AGPAT4: variants seen among roughly 807,000 people sequenced by gnomAD.
AGPAT4 encodes 1-acyl-sn-glycerol-3-phosphate acyltransferase delta.
Under a neutral mutation model 48.0 loss-of-function variants are expected in AGPAT4, and 15 were observed. The observed-to-expected ratio is 0.31, with a 90% confidence interval of 0.21 to 0.48. The LOEUF is 0.48. Among genes scored for constraint, AGPAT4 ranks in the 20% least tolerant of loss-of-function variants. AGPAT4 has a pLI of 0.99. For missense variants in AGPAT4, 314 were observed against 482.5 expected, an observed-to-expected ratio of 0.65 and a Z score of 3.27; for synonymous variants, 178 against 198.7, an observed-to-expected ratio of 0.90 and a Z score of 0.88.
rs774332732 is a variant in AGPAT4, at chr6:161,220,541, T to C, written c.178+11495A>G. 2.0e-5 allele frequency among the ~76,000 whole-genome samples: 3 copies of C among 152,160 alleles called. No individual in the cohort carries two copies. Among genetic ancestry groups the C allele is most frequent in the Non-Finnish European group, 2.9e-5 (2 of 68,026 alleles). On this transcript the variant is annotated intron_variant, in intron 2 of 8. Coordinates refer to ENST00000320285, the MANE Select transcript of AGPAT4 (RefSeq NM_020133.3). This position sits in a 1 kb window ranked among gnomAD's most constrained non-coding sequence, Gnocchi z 6.0. ...TTTATAGTTCCTCAAGCAGAGCAAG[T>C]AGAGGAACCAAAGACTTGTTGCCCT...
intron 2 of AGPAT4, among the ~76,000 whole-genome samples, chr6:161,179,476 G>A (rs1018976047): frequency 6.6e-6 from 1 of 152,192 alleles, no homozygotes; most frequent in African/African-American, 2.4e-5. Context: ...CAACTCAAAG[G>A]TTTGGTGTGA....
At position 161,214,441 on chromosome 6, in the gene AGPAT4, G is replaced by A. The variant is rs1422495997; in HGVS notation, c.178+17595C>T. ...CATGTGACTGTACTGAATACTGTAG[G>A]TCACTGTAACACAATGGTAACTATT... On this transcript the variant is annotated intron_variant, in intron 2 of 8. Coordinates refer to ENST00000320285, the MANE Select transcript of AGPAT4 (RefSeq NM_020133.3). The surrounding 1 kb of genome is among the most constrained non-coding windows in gnomAD (Gnocchi z 5.4). Among the ~76,000 whole-genome samples the A allele has an allele frequency of 6.6e-6, 1 of 152,212 alleles. No individual in the cohort carries two copies. The highest frequency in any genetic ancestry group is 1.5e-5 in the Non-Finnish European group (1 of 68,036).
rs775368385 is a variant in AGPAT4, at chr6:161,144,274, G to A, written c.843+2250C>T. 4.2e-6 allele frequency: 2 copies of A among 481,486 alleles called. No homozygotes were observed. The highest frequency in any genetic ancestry group is 4.0e-5 in the African/African-American group (2 of 50,372). 29.8% of individuals were successfully genotyped at this position (481,486 alleles called of 1,614,324 possible). Reference sequence around the variant, plus strand: ...CTCGGTGTCGCCCCAGCCCTGCACGGAGAGAGAAAGGGCCTGGACTCCAGC... The same window carrying A: ...CTCGGTGTCGCCCCAGCCCTGCACGAAGAGAGAAAGGGCCTGGACTCCAGC... On this transcript the variant is annotated intron_variant, in intron 7 of 8. Coordinates refer to ENST00000320285, the MANE Select transcript of AGPAT4 (RefSeq NM_020133.3). This position sits in a 1 kb window ranked among gnomAD's most constrained non-coding sequence, Gnocchi z 6.6.
In AGPAT4 at chr6:161,234,166, G is replaced by A. The variant is rs1782203220; in HGVS notation, c.-89-1864C>T. ...TTGAGTGCAGTCACTCCTGGGTCAT[G>A]CAGGTTGGCTCTGAGGATGGTTTCG... On this transcript the variant is annotated intron_variant, in intron 1 of 8. Transcript: ENST00000320285. This position sits in a 1 kb window ranked among gnomAD's most constrained non-coding sequence, Gnocchi z 4.4. Among the ~76,000 whole-genome samples, 1 of 152,198 alleles carries A rather than the reference G, an allele frequency of 6.6e-6. No homozygotes were observed. Among genetic ancestry groups the A allele is most frequent in the Non-Finnish European group, 1.5e-5 (1 of 68,030 alleles).
chr6:161,190,586 G>GAA (rs200848078), intron 2 of AGPAT4, among the ~76,000 whole-genome samples: 3 of 93,744 alleles, frequency 3.2e-5, no homozygotes, highest in African/African-American at 1.2e-4. Context: ...AGAAACCAAG[G>GAA]GAAAAAAAAA....
rs1779200800 is a variant in AGPAT4 at position 161,140,028 on chromosome 6, G to A, written c.844-408C>T. Among the ~76,000 whole-genome samples the A allele has an allele frequency of 6.6e-6, 1 of 152,210 alleles. No homozygotes were observed. Among genetic ancestry groups the A allele is most frequent in the Non-Finnish European group, 1.5e-5 (1 of 68,036 alleles). The stretch of plus-strand genomic sequence containing the variant: ...AGAATGGAGTGGATGCTGCGCCGAA[G>A]CTGCCCGCAGGGGACACTCGGTGGA... On this transcript the variant is annotated intron_variant, in intron 7 of 8. Transcript: ENST00000320285. This position sits in a 1 kb window ranked among gnomAD's most constrained non-coding sequence, Gnocchi z 6.5.
rs571884431 is a variant in AGPAT4 at position 161,158,644 on chromosome 6, C to T, written c.349-4334G>A. Among the ~76,000 whole-genome samples, 31 of 152,276 alleles carry T rather than the reference C, an allele frequency of 2.0e-4. No homozygotes were observed. Among genetic ancestry groups the T allele is most frequent in the African/African-American group, 7.2e-4 (30 of 41,564 alleles). ...GGCCAGCCCTTGCAGAGACCCTGGA[C>T]GTTGGGAAGAGCTGACGCAGAGAGG... On this transcript the variant is annotated intron_variant, in intron 3 of 8. Coordinates refer to ENST00000320285, the MANE Select transcript of AGPAT4 (RefSeq NM_020133.3). The surrounding 1 kb of genome is among the most constrained non-coding windows in gnomAD (Gnocchi z 5.3).
chr6:161,174,206 G>A (rs894405501), intron 2 of AGPAT4, among the ~76,000 whole-genome samples: 2 of 152,158 alleles, frequency 1.3e-5, no homozygotes, highest in Admixed American at 1.3e-4. Context: ...GCTTGATAGG[G>A]ATGGCATTGA....
intron 2 of AGPAT4, among the ~76,000 whole-genome samples, chr6:161,173,204 T>C (rs893782614): frequency 3.9e-5 from 6 of 152,352 alleles, no homozygotes; most frequent in African/African-American, 1.4e-4. Context: ...TTCTAGATCC[T>C]TGAGGAATCG....
Position 161,204,950 on chromosome 6 carries a change from GAAC to G in AGPAT4, c.178+27083_178+27085del, listed in dbSNP as rs1431612165. 2.0e-5 allele frequency among the ~76,000 whole-genome samples: 3 copies of G among 152,184 alleles called. No individual in the cohort carries two copies. Among genetic ancestry groups the G allele is most frequent in the African/African-American group, 7.2e-5 (3 of 41,440 alleles). Reference sequence around the variant, plus strand: ...CAGTTTTTTACAATAAACCGGGTATGAACAACGACATGACGCTGTTGATGAAAA... The same window carrying G: ...CAGTTTTTTACAATAAACCGGGTATGAACGACATGACGCTGTTGATGAAAA... On this transcript the variant is annotated intron_variant, in intron 2 of 8. Transcript: ENST00000320285. The surrounding 1 kb of genome is among the most constrained non-coding windows in gnomAD (Gnocchi z 4.4).
chr6:161,237,270 CAATCATT>C (rs1782311911), intron 1 of AGPAT4, among the ~76,000 whole-genome samples: 1 of 152,164 alleles, frequency 6.6e-6, no homozygotes, highest in Non-Finnish European at 1.5e-5. Context: ...TGAATTTAGC[CAATCATT>C]TGGCAAAGTC....
At position 161,154,225 on chromosome 6, in the gene AGPAT4, G is replaced by C; in HGVS notation, c.434C>G (p.Ser145Trp). The C allele has an allele frequency of 6.2e-7, 1 of 1,614,088 alleles. No individual in the cohort carries two copies. Among genetic ancestry groups the C allele is most frequent in the South Asian group, 1.1e-5 (1 of 91,064 alleles). ...CTTGCGATCCTGCTCCCACTTGCGC[G>C]AACAGAAGACCATCTCGGTGAAGTA... Reference protein sequence around the residue: ...MWYFTEMVFCSRKWEQDRKTV... With the variant: ...MWYFTEMVFCWRKWEQDRKTV... The change falls in exon 4 of 9, where the codon TCG becomes TGG. Residue 145 changes from serine (S) to tryptophan (W), a missense_variant. By Grantham distance (177) the Ser-to-Trp change is radical (BLOSUM62 -3). Transcript: ENST00000320285. This position sits in a 1 kb window ranked among gnomAD's most constrained non-coding sequence, Gnocchi z 7.8.
rs892988330 is a variant in AGPAT4, at chr6:161,264,059, A to C, written c.-90+9879T>G. Among the ~76,000 whole-genome samples the C allele has an allele frequency of 2.0e-5, 3 of 152,296 alleles. No individual in the cohort carries two copies. The East Asian group carries it at 5.8e-4, about 29-fold the overall frequency. Reference sequence around the variant, plus strand: ...GCAAGCTGAAATGAGGTGTTATACAAAGCAGACAGCTTCTAGTAAGTGCTG... The same window carrying C: ...GCAAGCTGAAATGAGGTGTTATACACAGCAGACAGCTTCTAGTAAGTGCTG... On this transcript the variant is annotated intron_variant, in intron 1 of 8. Coordinates refer to ENST00000320285, the MANE Select transcript of AGPAT4 (RefSeq NM_020133.3). The surrounding 1 kb of genome is among the most constrained non-coding windows in gnomAD (Gnocchi z 6.8).
In AGPAT4 at chr6:161,159,658, T is replaced by C. The variant is rs1583290098; in HGVS notation, c.349-5348A>G. ...AGGTGAGAGACTCCATTCTCTTTTT[T>C]TTGAGACGAAGTTTCACTCTTGTTG... is the stretch of plus-strand genomic sequence containing the variant. On this transcript the variant is annotated intron_variant, in intron 3 of 8. Coordinates refer to ENST00000320285, the MANE Select transcript of AGPAT4 (RefSeq NM_020133.3). The surrounding 1 kb of genome is among the most constrained non-coding windows in gnomAD (Gnocchi z 4.1). Among the ~76,000 whole-genome samples, 1 of 152,312 alleles carries C rather than the reference T, an allele frequency of 6.6e-6. No homozygotes were observed. The highest frequency in any genetic ancestry group is 1.5e-5 in the Non-Finnish European group (1 of 68,024).
At chr6:161,194,656 A>G (rs1006551449) in intron 2 of AGPAT4, among the ~76,000 whole-genome samples, 6 of 151,442 alleles carry the variant, frequency 4.0e-5, no homozygotes, top group Admixed American at 1.3e-4. Context: ...GTATGTATGT[A>G]TGTGTATGTG....
rs1312799005 is a variant in AGPAT4, at chr6:161,146,446, C to T, written c.843+78G>A. ...TGAGATCTCGCCCACCGGAGAAAGG[C>T]CTGCTACCACACAACACAGCCACAC... On this transcript the variant is annotated intron_variant, in intron 7 of 8. Coordinates refer to ENST00000320285, the MANE Select transcript of AGPAT4 (RefSeq NM_020133.3). This position sits in a 1 kb window ranked among gnomAD's most constrained non-coding sequence, Gnocchi z 7.1. 13 of 1,415,160 alleles carry T rather than the reference C, an allele frequency of 9.2e-6. No individual in the cohort carries two copies. Among genetic ancestry groups the T allele is most frequent in the Non-Finnish European group, 1.3e-5 (13 of 1,014,788 alleles). 87.7% of individuals were successfully genotyped at this position (1,415,160 alleles called of 1,614,324 possible). A position where few individuals can be genotyped will look rare whatever the true frequency, so the allele number is the denominator to read the frequency against.
intron 2 of AGPAT4, among the ~76,000 whole-genome samples, chr6:161,172,923 T>C (rs1348506006): frequency 6.6e-6 from 1 of 152,132 alleles, no homozygotes; most frequent in African/African-American, 2.4e-5. Context: ...AATAGTTTGC[T>C]CAGAATGATG....
At position 161,216,940 on chromosome 6, in the gene AGPAT4, T is replaced by A. The variant is rs944620100; in HGVS notation, c.178+15096A>T. Among the ~76,000 whole-genome samples the A allele has an allele frequency of 2.6e-5, 4 of 152,292 alleles. No individual in the cohort carries two copies. Among genetic ancestry groups the A allele is most frequent in the Admixed American group, 6.5e-5 (1 of 15,300 alleles). On this transcript the variant is annotated intron_variant, in intron 2 of 8. Transcript: ENST00000320285. This position sits in a 1 kb window ranked among gnomAD's most constrained non-coding sequence, Gnocchi z 4.8. The stretch of plus-strand genomic sequence containing the variant: ...CACAGCCAAACCTATCACCCAGTAA[T>A]CCCTGCTTCTGTCTTAATTTGACTT...
chr6:161,153,261 C>A (rs762508122), intron 5 of AGPAT4, 85 bp downstream of exon 5: 1 of 1,501,460 alleles, frequency 6.7e-7, no homozygotes, highest in Non-Finnish European at 9.0e-7. Flanking sequence ...GAAGTGCTGG[C>A]AGGAAGCAAG....
Sources: allele counts gnomAD v4.1 joint callset (sites outside exome capture counted in the v4.1 genomes callset), GRCh38; gene constraint gnomAD v4.1.1; non-coding constraint Gnocchi (gnomAD v3.1); transcripts MANE v1.5; gene names NCBI Gene and HGNC (gene_info 2026-07-23, HGNC 2026-07-21).